Variants in EBPL observed in about 807,000 individuals in gnomAD.
The protein encoded by EBPL is EBP like, also known as emopamil-binding protein-like.
EBPL carries 20 observed loss-of-function variants against 19.0 expected under a neutral mutation model. The ratio of observed to expected loss-of-function variants is 1.05; its 90% CI spans 0.74 to 1.53. The LOEUF (loss-of-function observed/expected upper bound fraction) is 1.53. Ranked by LOEUF, EBPL falls within the 40% of genes most tolerant of loss-of-function variation. The pLI, the probability that EBPL is intolerant of heterozygous loss-of-function variation, is 0.00. For missense variants in EBPL, 219 were observed against 261.1 expected (o/e 0.84, Z 1.11); for synonymous variants, 107 against 117.0 (o/e 0.91, Z 0.55).
intron 3 of EBPL, among the ~76,000 whole-genome samples, chr13:49,661,416 C>T (rs544508082): frequency 6.6e-6 from 1 of 152,334 alleles, no homozygotes; most frequent in East Asian, 1.9e-4. Context: ...AGGAGCAACA[C>T]TGCCCTTTCT....
At chr13:49,669,755 G>A (rs117266557) in intron 2 of EBPL, 22 bp downstream of exon 2, 16,849 of 1,609,736 alleles carry the variant, frequency 0.01, 120 homozygotes, top group Non-Finnish European at 0.012. Context: ...CATTTCAAAC[G>A]CAAACGTTTT....
intron 1 of EBPL, among the ~76,000 whole-genome samples, chr13:49,676,449 G>A (rs181935889): frequency 3.9e-5 from 6 of 152,170 alleles, no homozygotes; most frequent in Admixed American, 2.0e-4. Context: ...AAAATTAGCC[G>A]GGCGTGGTGG....
intron 1 of EBPL, among the ~76,000 whole-genome samples, chr13:49,681,929 C>T (rs892446967): frequency 6.6e-6 from 1 of 152,172 alleles, no homozygotes; most frequent in Non-Finnish European, 1.5e-5. Flanking sequence ...TACATAAATC[C>T]TGTCAACATT....
chr13:49,673,528 C>T (rs1274808885), intron 1 of EBPL, among the ~76,000 whole-genome samples: 1 of 152,186 alleles, frequency 6.6e-6, no homozygotes, highest in East Asian at 1.9e-4. Flanking sequence ...ACCTCCACCT[C>T]CCATGTTAAG....
chr13:49,689,414 A>G (rs1206856903), intron 1 of EBPL, among the ~76,000 whole-genome samples: 1 of 152,064 alleles, frequency 6.6e-6, no homozygotes, highest in Non-Finnish European at 1.5e-5. Context: ...CAGTGGCTTG[A>G]TCATGGCTCA....
rs185733189 is a variant in EBPL, at chr13:49,665,212, G to C, written c.242-2017C>G. 7.6e-3 allele frequency among the ~76,000 whole-genome samples: 1,140 copies of C among 150,772 alleles called. 10 individuals carry two copies. The highest frequency in any genetic ancestry group is 0.01 in the Non-Finnish European group (711 of 67,888). On this transcript the variant is annotated intron_variant, in intron 2 of 3. Transcript: ENST00000242827. ...TGCAACCTCTGCCTCCCAGGTTCAA[G>C]TGATTCTCCAGCCTCAGCCTCCCAA... is the stretch of plus-strand genomic sequence containing the variant.
intron 3 of EBPL, 72 bp downstream of exon 3, chr13:49,662,985 C>G: frequency 1.9e-6 from 3 of 1,584,350 alleles, no homozygotes; most frequent in Non-Finnish European, 2.6e-6. Context: ...ACAACCTACT[C>G]CAAAGGTCAC....
intron 1 of EBPL, among the ~76,000 whole-genome samples, chr13:49,679,191 C>T (rs1953916071): frequency 6.6e-6 from 1 of 152,124 alleles, no homozygotes; most frequent in Non-Finnish European, 1.5e-5. Context: ...ATTAAATGAA[C>T]TGTACAGTAC....
At chr13:49,672,850 G>A (rs1445886405) in intron 1 of EBPL, among the ~76,000 whole-genome samples, 3 of 152,140 alleles carry the variant, frequency 2.0e-5, no homozygotes, top group Non-Finnish European at 4.4e-5. Flanking sequence ...ACGAGGTCAG[G>A]AGTTTGAGAC....
At chr13:49,684,679 A>G (rs1467954726) in intron 1 of EBPL, among the ~76,000 whole-genome samples, 1 of 152,248 alleles carries the variant, frequency 6.6e-6, no homozygotes, top group Non-Finnish European at 1.5e-5. Context: ...GTCTCAAAAA[A>G]TAAAATTAAA....
rs371466213 is a variant in EBPL, at chr13:49,663,056, C to T, written c.380+1G>A. On this transcript the variant is annotated splice_donor_variant, in intron 3 of 3. Coordinates refer to ENST00000242827, the MANE Select transcript of EBPL (RefSeq NM_032565.5). LOFTEE classifies it high-confidence loss of function. Reference sequence around the variant, plus strand: ...CAGCAGGACAGAAGAAGGGCACCTACCGGTAATATTTTTCTTTGACTATGG... The same window carrying T: ...CAGCAGGACAGAAGAAGGGCACCTATCGGTAATATTTTTCTTTGACTATGG... The T allele has an allele frequency of 6.2e-7, 1 of 1,613,602 alleles. No individual in the cohort carries two copies. Among genetic ancestry groups the T allele is most frequent in the Non-Finnish European group, 8.5e-7 (1 of 1,180,006 alleles).
intron 2 of EBPL, 35 bp downstream of exon 2, chr13:49,669,742 C>T: frequency 6.3e-7 from 1 of 1,597,088 alleles, no homozygotes. Context: ...AAACCTCCTC[C>T]AACATTTCAA....
In EBPL at chr13:49,691,377, C is replaced by A. The variant is rs1002715733; in HGVS notation, c.48G>T (p.Leu16=). 1.5e-6 allele frequency: 2 copies of A among 1,362,330 alleles called. No homozygotes were observed. Among genetic ancestry groups the A allele is most frequent in the East Asian group, 2.8e-5 (1 of 35,124 alleles). 84.4% of individuals were successfully genotyped at this position (1,362,330 alleles called of 1,614,324 possible). Residue 16 remains leucine, a synonymous_variant, in exon 1 of 4, where the codon CTG becomes CTT. Transcript: ENST00000242827. ...CCGCCGCCAGCAGCGCGGCGCACAG[C>A]AGCAGCGAACCGCCAGCCTCGGCCC... ...ELGAEAGGSL[L]LCAALLAAGC...
chr13:49,679,802 C>T (rs79757561), intron 1 of EBPL, among the ~76,000 whole-genome samples: 3,142 of 152,062 alleles, frequency 0.021, 43 homozygotes, highest in South Asian at 0.029. Flanking sequence ...CATGCCTGGC[C>T]GAGATTGTAT....
intron 1 of EBPL, among the ~76,000 whole-genome samples, chr13:49,686,766 AT>A (rs946495719): frequency 1.3e-5 from 2 of 151,682 alleles, no homozygotes; most frequent in African/African-American, 2.4e-5. Context: ...CTCCAACTCA[AT>A]TTACATTTTT....
chr13:49,677,654 A>T (rs900893167), intron 1 of EBPL, among the ~76,000 whole-genome samples: 5 of 152,232 alleles, frequency 3.3e-5, no homozygotes, highest in Non-Finnish European at 5.9e-5. Context: ...CACGCCTGTA[A>T]TCCCAGCACT....
chr13:49,678,164 C>T (rs898700836), intron 1 of EBPL, among the ~76,000 whole-genome samples: 1 of 152,220 alleles, frequency 6.6e-6, no homozygotes, highest in East Asian at 1.9e-4. Flanking sequence ...GGTGCGTTTA[C>T]GAACCTTGAG....
At chr13:49,675,030 T>C (rs1318928037) in intron 1 of EBPL, among the ~76,000 whole-genome samples, 1 of 152,222 alleles carries the variant, frequency 6.6e-6, no homozygotes, top group Admixed American at 6.5e-5. Context: ...TCTATGAATG[T>C]ATTTTAGGTA....
In EBPL at chr13:49,669,834, C is replaced by T. The variant is rs1474057083; in HGVS notation, c.184G>A (p.Val62Ile). 1.2e-6 allele frequency: 2 copies of T among 1,613,792 alleles called. No individual in the cohort carries two copies. The highest frequency in any genetic ancestry group is 1.7e-5 in the Admixed American group (1 of 60,008). Reference protein sequence around the residue: ...LVHFALEGPFVYLSLVGNVAN... With the variant: ...LVHFALEGPFIYLSLVGNVAN... Reference sequence around the variant, plus strand: ...ACGTTTCCTACTAAAGACAAGTAGACAAAAGGGCCTTCCTAGAGAGGAGAA... The same window carrying T: ...ACGTTTCCTACTAAAGACAAGTAGATAAAAGGGCCTTCCTAGAGAGGAGAA... Residue 62 changes from valine (V) to isoleucine (I), a missense_variant, in exon 2 of 4, where the codon GTC becomes ATC. This residue lies in a region of EBPL where 170 missense variants were observed against 167.0 expected (regional missense o/e 1.02). Transcript: ENST00000242827.
Sources: allele counts gnomAD v4.1 joint callset (sites outside exome capture counted in the v4.1 genomes callset), GRCh38; gene constraint gnomAD v4.1.1; regional missense constraint gnomAD v4.1.1; transcripts MANE v1.5; gene names NCBI Gene and HGNC (gene_info 2026-07-23, HGNC 2026-07-21).